The following TTC39C variants were observed in gnomAD, a reference collection of about 807,000 sequenced individuals.
TTC39C encodes tetratricopeptide repeat domain 39C, also known as tetratricopeptide repeat protein 39C.
In TTC39C, 33 loss-of-function variants were observed where a neutral mutation model predicts 76.3. The ratio of observed to expected loss-of-function variants is 0.43; its 90% CI spans 0.33 to 0.58. The LOEUF is 0.58. TTC39C is among the 20% of genes least tolerant of loss of function. The probability of loss-of-function intolerance (pLI) is 0.04; values close to 1 mark genes in which losing one functional copy is unlikely to be tolerated. For missense variants in TTC39C, 595 were observed against 701.4 expected, an observed-to-expected ratio of 0.85 and a Z score of 1.71; for synonymous variants, 254 against 260.6, an observed-to-expected ratio of 0.97 and a Z score of 0.24.
chr18:24,032,244 C>G (rs2083680176), intron 1 of TTC39C, among the ~76,000 whole-genome samples: 1 of 152,158 alleles, frequency 6.6e-6, no homozygotes, highest in African/African-American at 2.4e-5. Flanking sequence ...TTTCAGCCAC[C>G]AGGTTTATGG....
intron 1 of TTC39C, among the ~76,000 whole-genome samples, chr18:23,999,947 G>A (rs1043765637): frequency 6.6e-6 from 1 of 152,194 alleles, no homozygotes; most frequent in African/African-American, 2.4e-5. Context: ...AATTTATTGG[G>A]TGTACATGGG....
intron 1 of TTC39C, among the ~76,000 whole-genome samples, chr18:24,046,540 C>G (rs548022895): frequency 2.0e-5 from 3 of 151,862 alleles, no homozygotes; most frequent in African/African-American, 7.3e-5. Flanking sequence ...TTCCAGCACA[C>G]CAGAGTAAGC....
chr18:24,060,042 C>CG (rs2145724620), intron 1 of TTC39C, among the ~76,000 whole-genome samples: 1 of 98,366 alleles, frequency 1.0e-5, no homozygotes, highest in South Asian at 3.3e-4. Flanking sequence ...CCTCCCACAA[C>CG]ACTTGGGAAT....
At position 24,080,946 on chromosome 18, in the gene TTC39C, A is replaced by G; in HGVS notation, c.815+7A>G. 1 of 1,604,314 alleles carries G rather than the reference A, an allele frequency of 6.2e-7. No homozygotes were observed. The highest frequency in any genetic ancestry group is 8.5e-7 in the Non-Finnish European group (1 of 1,174,784). ...TGAAGGCCCCTTTAGCTACGTGAGT[A>G]GCTGTATTGCAATGCTTTGGTAGAT... is the stretch of plus-strand genomic sequence containing the variant. On this transcript the variant is annotated splice_region_variant and intron_variant, in intron 5 of 13. Coordinates refer to ENST00000317571, the MANE Select transcript of TTC39C (RefSeq NM_001135993.2).
chr18:24,003,224 A>G lies in TTC39C; in HGVS notation c.-17+10186A>G, dbSNP rs139059886. On this transcript the variant is annotated intron_variant, in intron 1 of 13. Transcript: ENST00000304621. ...CTCCTCTGCCTGGAATCCACTTCCT[A>G]CCTCTTTTGTCCAGAGTCAGCTCAG... is the stretch of plus-strand genomic sequence containing the variant. Among the ~76,000 whole-genome samples, 7 of 152,212 alleles carry G rather than the reference A, an allele frequency of 4.6e-5. No homozygotes were observed. In the East Asian group the frequency reaches 1.3e-3, roughly 29 times the overall value.
intron 7 of TTC39C, 53 bp from the exon 8 acceptor site, chr18:24,118,072 G>A: frequency 6.9e-7 from 1 of 1,439,422 alleles, no homozygotes; most frequent in Non-Finnish European, 9.5e-7. Flanking sequence ...CTTAAATATG[G>A]GTCATAGAGC....
chr18:24,071,349 C>G (rs1211380800), intron 4 of TTC39C, among the ~76,000 whole-genome samples: 1 of 152,180 alleles, frequency 6.6e-6, no homozygotes, highest in African/African-American at 2.4e-5. Context: ...CAGGCCTAGT[C>G]CCTGCCCTCG....
chr18:24,031,778 G>A (rs1021105125), intron 1 of TTC39C, among the ~76,000 whole-genome samples: 1 of 152,110 alleles, frequency 6.6e-6, no homozygotes, highest in Non-Finnish European at 1.5e-5. Flanking sequence ...CCTCTGTGGT[G>A]GGTTCAAAAA....
intron 1 of TTC39C, among the ~76,000 whole-genome samples, chr18:23,998,739 G>A (rs1448258600): frequency 6.6e-6 from 1 of 152,162 alleles, no homozygotes; most frequent in South Asian, 2.1e-4. Context: ...TGAAATAAAT[G>A]CTGCACAGAA....
At chr18:24,123,702 C>T (rs562260759) in intron 8 of TTC39C, 132 bp from the exon 9 acceptor site, 3 of 623,212 alleles carry the variant, frequency 4.8e-6, no homozygotes, top group African/African-American at 3.8e-5. Context: ...CCACCATGTC[C>T]AGCCCATTGT....
At chr18:24,101,174 C>G (rs2084668741) in intron 6 of TTC39C, among the ~76,000 whole-genome samples, 1 of 152,110 alleles carries the variant, frequency 6.6e-6, no homozygotes, top group Non-Finnish European at 1.5e-5. Context: ...CTAAAAACCA[C>G]TTAATTTTAT....
rs1318531548 is a variant in TTC39C at position 24,017,623 on chromosome 18, ACT to A, written c.167+2588_167+2589del. ...ACGTATTACGTATGAAGGATTTAAG[ACT>A]CTGTTATGCATTGGGAAACTTCCCT... On this transcript the variant is annotated intron_variant, in intron 1 of 13. Transcript: ENST00000317571. 5.3e-5 allele frequency among the ~76,000 whole-genome samples: 8 copies of A among 152,166 alleles called. No individual in the cohort carries two copies. The East Asian group carries it at 1.2e-3, about 22-fold the overall frequency.
intron 1 of TTC39C, among the ~76,000 whole-genome samples, chr18:24,045,095 C>T (rs2083847937): frequency 6.6e-6 from 1 of 151,934 alleles, no homozygotes; most frequent in African/African-American, 2.4e-5. Context: ...ATGGCTAAAC[C>T]CTGTCTCTAC....
intron 6 of TTC39C, among the ~76,000 whole-genome samples, chr18:24,084,963 C>T (rs1383628347): frequency 6.6e-6 from 1 of 152,190 alleles, no homozygotes. Context: ...CTGTGCCTGG[C>T]CTCAGGATGA....
intron 1 of TTC39C, among the ~76,000 whole-genome samples, chr18:24,001,845 A>G (rs1280236025): frequency 7.6e-5 from 1 of 13,126 alleles, no homozygotes; most frequent in South Asian, 2.2e-3. Context: ...TTTTTTTTTG[A>G]GACGGAGTCT....
chr18:24,066,431 A>T (rs555240606), intron 3 of TTC39C, among the ~76,000 whole-genome samples: 1 of 152,278 alleles, frequency 6.6e-6, no homozygotes, highest in South Asian at 2.1e-4. Flanking sequence ...CCTATATGTA[A>T]TTCAAATAGG....
chr18:24,003,729 A>G (rs939839516), intron 1 of TTC39C, among the ~76,000 whole-genome samples: 4 of 152,160 alleles, frequency 2.6e-5, no homozygotes, highest in African/African-American at 9.7e-5. Context: ...TGAACAGAGG[A>G]AAACAAAATG....
At chr18:24,096,535 G>A (rs939068626) in intron 6 of TTC39C, among the ~76,000 whole-genome samples, 7 of 152,108 alleles carry the variant, frequency 4.6e-5, no homozygotes, top group African/African-American at 1.4e-4. Context: ...GTAAACGGAT[G>A]TTTAAAAACT....
intron 8 of TTC39C, among the ~76,000 whole-genome samples, chr18:24,122,518 A>AAAAAAAAAG (rs1381890808): frequency 2.0e-5 from 3 of 150,976 alleles, no homozygotes; most frequent in Non-Finnish European, 4.4e-5. Context: ...AAAAAAAAAA[A>AAAAAAAAAG]AAGAAGAGGG....
Sources: allele counts gnomAD v4.1 joint callset (sites outside exome capture counted in the v4.1 genomes callset), GRCh38; gene constraint gnomAD v4.1.1; transcripts MANE v1.5; gene names NCBI Gene and HGNC (gene_info 2026-07-23, HGNC 2026-07-21).